The following WDR87 variants were observed in gnomAD, a reference collection of about 807,000 sequenced individuals.
WDR87 encodes WD repeat domain 87.
Under a neutral mutation model 83.3 loss-of-function variants are expected in WDR87, and 56 were observed. That is an observed-to-expected ratio of 0.67 (90% CI 0.54 to 0.84). The LOEUF (loss-of-function observed/expected upper bound fraction) is 0.84. Among genes scored for constraint, WDR87 ranks in the 40% least tolerant of loss-of-function variants. The probability of loss-of-function intolerance (pLI) is 0.00; values close to 1 mark genes in which losing one functional copy is unlikely to be tolerated. For missense variants in WDR87, 2,939 were observed against 3,431.9 expected (o/e 0.86, Z 3.59); for synonymous variants, 1,173 against 1,250.6 (o/e 0.94, Z 1.31).
At position 37,887,282 on chromosome 19, in the gene WDR87, G is replaced by A; in HGVS notation, c.6389C>T (p.Thr2130Ile). The A allele has an allele frequency of 1.9e-6, 3 of 1,551,262 alleles. No individual in the cohort carries two copies. Among genetic ancestry groups the A allele is most frequent in the Non-Finnish European group, 2.6e-6 (3 of 1,146,866 alleles). ...QKLTRDERKL[T>I]QEEIKMTKMK... Reference sequence around the variant, plus strand: ...CTTTGTCATTTTTATTTCTTCCTGTGTTAGTTTCCTTTCATCCCTGGTTAG... The same window carrying A: ...CTTTGTCATTTTTATTTCTTCCTGTATTAGTTTCCTTTCATCCCTGGTTAG... Residue 2130 changes from threonine (T) to isoleucine (I), a missense_variant, in exon 6 of 6, where the codon ACA (threonine) becomes ATA (isoleucine). Thr to Ile is a moderately conservative substitution (Grantham distance 89, BLOSUM62 -1). Coordinates refer to ENST00000447313, the MANE Select transcript of WDR87 (RefSeq NM_001291088.2).
rs2046149212 is a variant in WDR87, at chr19:37,886,688, T to C, written c.6983A>G (p.Lys2328Arg). 1.4e-6 allele frequency: 2 copies of C among 1,471,416 alleles called. No homozygotes were observed. The highest frequency in any genetic ancestry group is 2.1e-5 in the Admixed American group (1 of 47,218). 91.1% of individuals were successfully genotyped at this position (1,471,416 alleles called of 1,614,324 possible). The change falls in exon 6 of 6, where the codon AAG becomes AGG. Residue 2328 changes from lysine to arginine, a missense_variant. Around this residue, in one of 3 missense-constraint regions of WDR87, gnomAD observed 2,160 missense variants for 2,533.1 expected, o/e 0.85. Coordinates refer to ENST00000447313, the MANE Select transcript of WDR87 (RefSeq NM_001291088.2). ...CTCCTTCTTCTTTTCCTTTTTCTTC[T>C]TCTTCTTCTCCTCCTCTTCTTTCTC... is the stretch of plus-strand genomic sequence containing the variant. ...QVEKEEEEKK[K>R]KKKEKKKEEV...
chr19:37,894,666 A>G lies in WDR87; in HGVS notation c.1037T>C (p.Phe346Ser). 3 of 1,551,642 alleles carry G rather than the reference A, an allele frequency of 1.9e-6. No individual in the cohort carries two copies. In the East Asian group the frequency reaches 7.3e-5, roughly 38 times the overall value. The change falls in exon 4 of 6, where the codon TTT becomes TCT. Residue 346 changes from phenylalanine to serine, a missense_variant. Physicochemically the swap from Phe to Ser is radical, Grantham distance 155. Coordinates refer to ENST00000447313, the MANE Select transcript of WDR87 (RefSeq NM_001291088.2). ...GAAGCAGGGCAGGCGGTGCAAGGAA[A>G]AACTATGGGCAGTTTGGCAGAAGAA... ...ITFFCQTAHS[F>S]SLHRLPCFYS...
chr19:37,896,611 A>G (rs2046258034), intron 2 of WDR87, among the ~76,000 whole-genome samples: 1 of 151,922 alleles, frequency 6.6e-6, no homozygotes. Flanking sequence ...CCTGCCCTCT[A>G]ACATTCTTTT....
At chr19:37,905,439 G>A (rs1271442487) in intron 1 of WDR87, among the ~76,000 whole-genome samples, 1 of 147,726 alleles carries the variant, frequency 6.8e-6, no homozygotes, top group Non-Finnish European at 1.5e-5. Flanking sequence ...ATACCAGCCT[G>A]GGCAACATAG....
rs1207244911 is a variant in WDR87, at chr19:37,889,102, T to C, written c.4569A>G (p.Glu1523=). 1.3e-6 allele frequency: 2 copies of C among 1,552,278 alleles called. No individual in the cohort carries two copies. The highest frequency in any genetic ancestry group is 1.2e-5 in the South Asian group (1 of 84,066). Residue 1523 remains glutamate (E), a synonymous_variant, in exon 6 of 6, where the codon GAA becomes GAG. Coordinates refer to ENST00000447313, the MANE Select transcript of WDR87 (RefSeq NM_001291088.2). ...TRKSWKAWKE[E]WEKRLLQEEE... Reference sequence around the variant, plus strand: ...CTTCCTGAAGAAGCCTCTTCTCCCATTCTTCCTTCCATGCCTTCCAGGATT... The same window carrying C: ...CTTCCTGAAGAAGCCTCTTCTCCCACTCTTCCTTCCATGCCTTCCAGGATT...
intron 2 of WDR87, 90 bp downstream of exon 2, chr19:37,898,075 A>G: frequency 6.8e-7 from 1 of 1,466,330 alleles, no homozygotes; most frequent in South Asian, 1.3e-5. Flanking sequence ...CCTGTTCTCA[A>G]GGACAATCTG....
chr19:37,893,201 C>T lies in WDR87; in HGVS notation c.2502G>A (p.Trp834Ter). ...GTAGGTATATTGGGGTGCCCTCTGG[C>T]CAAAGACGGGCACGAATCACTGAAT... ...IPNSVIRARL[W>*]PEGTPIYLQC... is the part of the protein sequence containing the mutation. The change falls in exon 4 of 6, where the codon TGG (tryptophan) becomes TGA (stop). Residue 834 changes from tryptophan to a stop codon, truncating the protein, a stop_gained. Coordinates refer to ENST00000447313, the MANE Select transcript of WDR87 (RefSeq NM_001291088.2). LOFTEE classifies it high-confidence loss of function. 6.4e-7 allele frequency: 1 copy of T among 1,551,900 alleles called. No individual in the cohort carries two copies. The highest frequency in any genetic ancestry group is 1.4e-5 in the African/African-American group (1 of 73,170).
Position 37,894,805 on chromosome 19 carries a change from T to C in WDR87, c.898A>G (p.Thr300Ala), listed in dbSNP as rs1443259462. The C allele has an allele frequency of 6.4e-7, 1 of 1,551,632 alleles. No homozygotes were observed. Among genetic ancestry groups the C allele is most frequent in the African/African-American group, 1.4e-5 (1 of 73,044 alleles). ...TTGATTAGGCTGTCACTACCAGCTG[T>C]TAGCAGGGTGTGGGCCTCTGGTCGG... is the stretch of plus-strand genomic sequence containing the variant. ...RSRPEAHTLL[T>A]AGSDSLIKEW... Residue 300 changes from threonine (T) to alanine (A), a missense_variant, in exon 4 of 6, where the codon ACA (threonine) becomes GCA (alanine). Physicochemically the swap from Thr to Ala is moderately conservative, Grantham distance 58. Transcript: ENST00000447313.
chr19:37,886,768 T>TTCC lies in WDR87; in HGVS notation c.6900_6902dup (p.Glu2301dup). 2 of 1,506,880 alleles carry TTCC rather than the reference T, an allele frequency of 1.3e-6. No individual in the cohort carries two copies. Among genetic ancestry groups the TTCC allele is most frequent in the Non-Finnish European group, 8.9e-7 (1 of 1,117,608 alleles). The allele number at this position is 1,506,880 out of a possible 1,614,324, so 93.3% of individuals were successfully genotyped here. On this transcript the variant is annotated inframe_insertion, in exon 6 of 6. Transcript: ENST00000447313. The stretch of plus-strand genomic sequence containing the variant: ...CCTTCCTTTCCTCCTCCTCCTCCCT[T>TTCC]TCCTCCTCCTCCTCCCTTTCCTCTT...
Position 37,885,689 on chromosome 19 carries a change from T to C in WDR87, c.7982A>G (p.Gln2661Arg). Residue 2661 changes from glutamine (Q) to arginine (R), a missense_variant, in exon 6 of 6, where the codon CAA becomes CGA. Transcript: ENST00000447313. ...CCTCTTGGTAGCTAATGGGGACTTT[T>C]GTGTGGGGACAGCCAAAGGTTTTGG... ...SWPKPLAVPT[Q>R]KSPLATKRIP... The C allele has an allele frequency of 6.4e-7, 1 of 1,551,776 alleles. No homozygotes were observed. Among genetic ancestry groups the C allele is most frequent in the Non-Finnish European group, 8.7e-7 (1 of 1,147,012 alleles).
At position 37,893,202 on chromosome 19, in the gene WDR87, C is replaced by G; in HGVS notation, c.2501G>C (p.Trp834Ser). Residue 834 changes from tryptophan (W) to serine (S), a missense_variant, in exon 4 of 6, where the codon TGG (tryptophan) becomes TCG (serine). Trp to Ser is a radical substitution (Grantham distance 177). This residue lies in a region of WDR87 where 2,160 missense variants were observed against 2,533.1 expected (regional missense o/e 0.85). Transcript: ENST00000447313. ...IPNSVIRARL[W>S]PEGTPIYLQC... ...TAGGTATATTGGGGTGCCCTCTGGC[C>G]AAAGACGGGCACGAATCACTGAATT... is the stretch of plus-strand genomic sequence containing the variant. 1 of 1,551,806 alleles carries G rather than the reference C, an allele frequency of 6.4e-7. No homozygotes were observed. Among genetic ancestry groups the G allele is most frequent in the Non-Finnish European group, 8.7e-7 (1 of 1,147,014 alleles).
rs1376289208 is a variant in WDR87 at position 37,894,858 on chromosome 19, T to C, written c.845A>G (p.His282Arg). The C allele has an allele frequency of 1.0e-5, 16 of 1,551,600 alleles. No individual in the cohort carries two copies. The highest frequency in any genetic ancestry group is 1.4e-5 in the Non-Finnish European group (16 of 1,146,990). The part of the protein sequence containing the change: ...QGHPLHSFQA[H>R]QSGVICIRSR... Reference sequence around the variant, plus strand: ...GCGGATACAGATCACTCCTGATTGATGGGCCTGGAAACTGTGGAGTGGATG... The same window carrying C: ...GCGGATACAGATCACTCCTGATTGACGGGCCTGGAAACTGTGGAGTGGATG... The change falls in exon 4 of 6, where the codon CAT (histidine) becomes CGT (arginine). Residue 282 changes from histidine to arginine, a missense_variant. Around this residue, in one of 3 missense-constraint regions of WDR87, gnomAD observed 553 missense variants for 577.9 expected, o/e 0.96. Coordinates refer to ENST00000447313, the MANE Select transcript of WDR87 (RefSeq NM_001291088.2).
chr19:37,887,950 G>T lies in WDR87; in HGVS notation c.5721C>A (p.Thr1907=). The change falls in exon 6 of 6, where the codon ACC becomes ACA. Residue 1907 remains threonine (T), a synonymous_variant. Transcript: ENST00000447313. ...CTTGCACTAATTGCTTTTTGCTGTG[G>T]GTGAGTCTTTCTTTATTATAGAGTA... ...ENLLYNKERL[T]HSKKQLVQVK... The T allele has an allele frequency of 1.9e-6, 3 of 1,551,082 alleles. No homozygotes were observed. Among genetic ancestry groups the T allele is most frequent in the African/African-American group, 2.7e-5 (2 of 72,970 alleles).
Position 37,891,789 on chromosome 19 carries a change from G to T in WDR87, c.3157C>A (p.His1053Asn). Residue 1053 changes from histidine to asparagine, a missense_variant, in exon 5 of 6, where the codon CAT becomes AAT. Transcript: ENST00000447313. ...QQMIGEEPLD[H>N]LLGMRATDLQ... ...TCTGTGGCCCGCATCCCCAGTAGAT[G>T]GTCCAGGGGTTCCTCCCCGATCATC... The T allele has an allele frequency of 6.4e-7, 1 of 1,552,188 alleles. No individual in the cohort carries two copies. Among genetic ancestry groups the T allele is most frequent in the Non-Finnish European group, 8.7e-7 (1 of 1,147,116 alleles).
rs2046191495 is a variant in WDR87, at chr19:37,890,086, T to C, written c.3585A>G (p.Gln1195=). ...VIKLSKDVDS[Q]EKDISKDHIA... ...TGTGATCCTTCGAGATATCTTTCTCTTGAGAATCAACATCTTTTGAGAGCT... is the reference window on the plus strand; with the variant it reads ...TGTGATCCTTCGAGATATCTTTCTCCTGAGAATCAACATCTTTTGAGAGCT... The change falls in exon 6 of 6, where the codon CAA becomes CAG. Residue 1195 remains glutamine, a synonymous_variant. Transcript: ENST00000447313. 6.4e-7 allele frequency: 1 copy of C among 1,551,964 alleles called. No individual in the cohort carries two copies. The highest frequency in any genetic ancestry group is 2.4e-5 in the East Asian group (1 of 40,928).
Position 37,898,164 on chromosome 19 carries a change from C to A in WDR87, c.75+1G>T, listed in dbSNP as rs375519876. 8.1e-5 allele frequency: 125 copies of A among 1,551,462 alleles called. No individual in the cohort carries two copies. Among genetic ancestry groups the A allele is most frequent in the Non-Finnish European group, 1.0e-4 (119 of 1,146,930 alleles). On this transcript the variant is annotated splice_donor_variant, in intron 2 of 5. Coordinates refer to ENST00000447313, the MANE Select transcript of WDR87 (RefSeq NM_001291088.2). LOFTEE classifies it high-confidence loss of function. ...ATGTTTATGTCCTACATATACATTA[C>A]CTTGCTTTTATTTATGGTGTCATTT... is the stretch of plus-strand genomic sequence containing the variant.
Position 37,886,947 on chromosome 19 carries a change from C to T in WDR87, c.6724G>A (p.Ala2242Thr), listed in dbSNP as rs1039093122. The change falls in exon 6 of 6, where the codon GCC becomes ACC. Residue 2242 changes from alanine to threonine, a missense_variant. Transcript: ENST00000447313. ...LKRRWRKRKEAKRGDKPKEKF... is the reference protein window; with the variant it reads ...LKRRWRKRKETKRGDKPKEKF... Reference sequence around the variant, plus strand: ...TCTTTTGGTTTGTCACCTCTCTTGGCCTCTTTCCTCTTTCTCCACCTTCGT... The same window carrying T: ...TCTTTTGGTTTGTCACCTCTCTTGGTCTCTTTCCTCTTTCTCCACCTTCGT... 1.9e-6 allele frequency: 3 copies of T among 1,551,918 alleles called. No individual in the cohort carries two copies. The highest frequency in any genetic ancestry group is 2.6e-6 in the Non-Finnish European group (3 of 1,147,052).
chr19:37,885,329 C>T lies in WDR87; in HGVS notation c.8342G>A (p.Arg2781Gln), dbSNP rs752982361. Reference protein sequence around the residue: ...LYHVLRMLQQRYPKDSTAWME... With the variant: ...LYHVLRMLQQQYPKDSTAWME... ...CCAAGCAGTGCTGTCTTTTGGATATCGCTGCTGCAGCATCCGCAAAACATG... is the reference window on the plus strand; with the variant it reads ...CCAAGCAGTGCTGTCTTTTGGATATTGCTGCTGCAGCATCCGCAAAACATG... Residue 2781 changes from arginine to glutamine, a missense_variant, in exon 6 of 6, where the codon CGA (arginine) becomes CAA (glutamine). This residue lies in a region of WDR87 where 2,160 missense variants were observed against 2,533.1 expected (regional missense o/e 0.85). Coordinates refer to ENST00000447313, the MANE Select transcript of WDR87 (RefSeq NM_001291088.2). 41 of 1,551,388 alleles carry T rather than the reference C, an allele frequency of 2.6e-5. No individual in the cohort carries two copies. Among genetic ancestry groups the T allele is most frequent in the Admixed American group, 2.2e-4 (11 of 50,964 alleles).
At chr19:37,904,260 T>C (rs2046309949) in intron 1 of WDR87, among the ~76,000 whole-genome samples, 1 of 151,754 alleles carries the variant, frequency 6.6e-6, no homozygotes, top group Non-Finnish European at 1.5e-5. Context: ...AAGGAGCAGG[T>C]AAGGGAAAAA....
Sources: gnomAD v4.1 joint callset for allele counts (sites outside exome capture counted in the v4.1 genomes callset) on GRCh38, gnomAD v4.1.1 for gene constraint, gnomAD v4.1.1 regional missense constraint, MANE v1.5 for transcripts, NCBI Gene and HGNC (gene_info 2026-07-23, HGNC 2026-07-21) for gene names.